Variants in USH2A observed in about 807,000 individuals in gnomAD.
USH2A encodes usherin.
In USH2A, 443 loss-of-function variants were observed where a neutral mutation model predicts 538.9. The observed-to-expected ratio is 0.82, with a 90% CI of 0.76 to 0.89. The LOEUF is 0.89. Ranked by LOEUF, USH2A falls within the 40% of genes least tolerant of loss-of-function variation. The pLI is 0.00. For missense variants in USH2A, 6,633 were observed against 6,324.8 expected, an observed-to-expected ratio of 1.05 and a Z score of -1.65; for synonymous variants, 2,413 against 2,273.5, an observed-to-expected ratio of 1.06 and a Z score of -1.75.
At chr1:216,280,366 A>G (rs2036750486) in intron 11 of USH2A, among the ~76,000 whole-genome samples, 1 of 152,016 alleles carries the variant, frequency 6.6e-6, no homozygotes, top group South Asian at 2.1e-4. Context: ...TGATGAAAGT[A>G]CTGAAAGCTC....
chr1:215,759,152 T>C (rs895272172), intron 57 of USH2A, among the ~76,000 whole-genome samples: 1 of 152,194 alleles, frequency 6.6e-6, no homozygotes, highest in African/African-American at 2.4e-5. Context: ...AATTGATCTC[T>C]ACTTTCTACA....
intron 14 of USH2A, among the ~76,000 whole-genome samples, chr1:216,221,383 C>A (rs920523369): frequency 5.4e-4 from 82 of 152,132 alleles, no homozygotes; most frequent in African/African-American, 1.9e-3. Context: ...AACAGAGGAG[C>A]TGTGGTTTCA....
intron 38 of USH2A, among the ~76,000 whole-genome samples, chr1:215,925,889 G>C (rs1247695879): frequency 6.6e-6 from 1 of 152,070 alleles, no homozygotes; most frequent in Non-Finnish European, 1.5e-5. Flanking sequence ...TCACATTTTT[G>C]AGAACCATTA....
intron 61 of USH2A, among the ~76,000 whole-genome samples, chr1:215,682,316 C>T (rs557939347): frequency 3.9e-5 from 6 of 152,114 alleles, no homozygotes; most frequent in Non-Finnish European, 8.8e-5. Flanking sequence ...TCATAAGAAA[C>T]ATGAAAAGCA....
At chr1:215,640,073 G>T (rs1656623616) in intron 68 of USH2A, among the ~76,000 whole-genome samples, 1 of 152,090 alleles carries the variant, frequency 6.6e-6, no homozygotes, top group Admixed American at 6.5e-5. Flanking sequence ...CATTTTAGAG[G>T]GTCAAGATTG....
chr1:216,120,929 T>G (rs2102594327), intron 21 of USH2A, among the ~76,000 whole-genome samples: 1 of 146,030 alleles, frequency 6.8e-6, no homozygotes, highest in Non-Finnish European at 1.5e-5. Context: ...AAGCAAAACT[T>G]ATATACTTTT....
chr1:216,287,426 T>C (rs1014676760), intron 11 of USH2A, among the ~76,000 whole-genome samples: 3 of 152,226 alleles, frequency 2.0e-5, no homozygotes, highest in Admixed American at 6.5e-5. Context: ...GCCAGTAGTA[T>C]GCTGGAGTAC....
intron 38 of USH2A, among the ~76,000 whole-genome samples, chr1:215,929,672 T>A (rs1666316630): frequency 1.3e-5 from 2 of 152,048 alleles, no homozygotes; most frequent in Admixed American, 6.6e-5. Context: ...GCTAAACACA[T>A]TACATATAAT....
chr1:216,391,210 A>G (rs1329133558), intron 3 of USH2A, among the ~76,000 whole-genome samples: 2 of 152,236 alleles, frequency 1.3e-5, no homozygotes, highest in African/African-American at 2.4e-5. Context: ...TTGACATTCA[A>G]TTGCGAGAAG....
rs532501942 is a variant in USH2A, at chr1:215,987,349, G to A, written c.6805+5671C>T. Among the ~76,000 whole-genome samples, 4 of 152,284 alleles carry A rather than the reference G, an allele frequency of 2.6e-5. 1 individual carries two copies. In the Middle Eastern group the frequency reaches 0.01, roughly 388 times the overall value. On this transcript the variant is annotated intron_variant, in intron 35 of 71. Transcript: ENST00000307340. ...TGCTACTTCTCTGTGATAGCTAATG[G>A]TCTTACAAAGGAAGCGTCAAGGTCC...
At chr1:216,385,937 A>T (rs2038996022) in intron 3 of USH2A, among the ~76,000 whole-genome samples, 1 of 152,172 alleles carries the variant, frequency 6.6e-6, no homozygotes. Context: ...TAAATTTTTT[A>T]TAATCCAAGA....
At chr1:216,232,496 C>T (rs2035719881) in intron 13 of USH2A, among the ~76,000 whole-genome samples, 1 of 152,150 alleles carries the variant, frequency 6.6e-6, no homozygotes. Context: ...GTAGGGCAGA[C>T]TTATAAAATA....
intron 61 of USH2A, among the ~76,000 whole-genome samples, chr1:215,714,561 T>A (rs1210519079): frequency 6.6e-6 from 1 of 152,218 alleles, no homozygotes; most frequent in Non-Finnish European, 1.5e-5. Context: ...TTCCCTCTCT[T>A]TTTTCTTTTT....
chr1:215,668,450 AT>A (rs940196580), intron 64 of USH2A, among the ~76,000 whole-genome samples: 1 of 152,142 alleles, frequency 6.6e-6, no homozygotes, highest in Admixed American at 6.5e-5. Flanking sequence ...CTAGATTTTG[AT>A]TTTCTTTGTT....
At chr1:215,809,371 T>TA (rs2102789015) in intron 49 of USH2A, among the ~76,000 whole-genome samples, 1 of 152,022 alleles carries the variant, frequency 6.6e-6, no homozygotes, top group African/African-American at 2.4e-5. Context: ...TTGAGCATAA[T>TA]AAATGTTAAT....
intron 37 of USH2A, among the ~76,000 whole-genome samples, chr1:215,951,360 G>C (rs1238794040): frequency 1.3e-5 from 2 of 152,292 alleles, no homozygotes; most frequent in East Asian, 1.9e-4. Context: ...GTAGTTGAGC[G>C]GTTTTGAGTG....
intron 14 of USH2A, among the ~76,000 whole-genome samples, chr1:216,224,675 T>A (rs1304390565): frequency 3.3e-5 from 5 of 152,134 alleles, no homozygotes; most frequent in Admixed American, 3.3e-4. Context: ...TTATTTATTT[T>A]GCCCTTGGGA....
At chr1:216,052,436 A>C (rs1314893070) in intron 30 of USH2A, among the ~76,000 whole-genome samples, 1 of 152,012 alleles carries the variant, frequency 6.6e-6, no homozygotes, top group African/African-American at 2.4e-5. Context: ...TCAAAGATGG[A>C]AGGTTTTAGA....
intron 4 of USH2A, among the ~76,000 whole-genome samples, chr1:216,357,453 G>A (rs2038410749): frequency 6.6e-6 from 1 of 152,042 alleles, no homozygotes; most frequent in African/African-American, 2.4e-5. Context: ...GAACCCATGG[G>A]AAACTGGTAG....
Sources: gnomAD v4.1 joint callset for allele counts (sites outside exome capture counted in the v4.1 genomes callset) on GRCh38, gnomAD v4.1.1 for gene constraint, MANE v1.5 for transcripts, NCBI Gene and HGNC (gene_info 2026-07-23, HGNC 2026-07-21) for gene names.